TMTC2: variants seen among roughly 807,000 people sequenced by gnomAD.
TMTC2 encodes the protein transmembrane O-mannosyltransferase targeting cadherins 2, also known as protein O-mannosyl-transferase TMTC2.
TMTC2 carries 43 observed loss-of-function variants against 82.4 expected under a neutral mutation model. That is an observed-to-expected ratio of 0.52 (90% confidence interval 0.41 to 0.67). The LOEUF is 0.67. TMTC2 is among the 30% of genes least tolerant of loss of function. TMTC2 has a pLI of 0.00. For missense variants in TMTC2, 919 were observed against 1,012.4 expected, an observed-to-expected ratio of 0.91 and a Z score of 1.25; for synonymous variants, 408 against 381.9, an observed-to-expected ratio of 1.07 and a Z score of -0.80.
chr12:83,125,780 G>T (rs963490432), intron 11 of TMTC2, among the ~76,000 whole-genome samples: 3 of 152,054 alleles, frequency 2.0e-5, no homozygotes, highest in Non-Finnish European at 4.4e-5. Context: ...CACTATTTTT[G>T]CAACTTTCAA....
Position 82,986,043 on chromosome 12 carries a change from A to G in TMTC2, c.2067A>G (p.Leu689=). ...AHLTYGKLLA[L]TGRKSEAEKL... ...TCACCTATGGGAAGCTGCTAGCTCT[A>G]ACAGTGAGTAACCGCCTTCCTTGGT... Residue 689 remains leucine (L), a synonymous_variant, in exon 8 of 12, where the codon CTA becomes CTG. Transcript: ENST00000321196. 4 of 1,613,902 alleles carry G rather than the reference A, an allele frequency of 2.5e-6. No individual in the cohort carries two copies. The highest frequency in any genetic ancestry group is 1.3e-5 in the African/African-American group (1 of 75,020).
intron 1 of TMTC2, among the ~76,000 whole-genome samples, chr12:82,825,438 C>G (rs1869359272): frequency 6.6e-6 from 1 of 152,100 alleles, no homozygotes; most frequent in African/African-American, 2.4e-5. Context: ...CCAAGAGACA[C>G]AGGGGAACAA....
intron 1 of TMTC2, among the ~76,000 whole-genome samples, chr12:82,770,971 G>A (rs1877271348): frequency 6.6e-6 from 1 of 152,146 alleles, no homozygotes; most frequent in Admixed American, 6.5e-5. Flanking sequence ...CACTTTGGGA[G>A]GCTGAGGTGG....
chr12:82,810,336 A>G (rs915534476), intron 1 of TMTC2, among the ~76,000 whole-genome samples: 8 of 151,496 alleles, frequency 5.3e-5, no homozygotes, highest in African/African-American at 1.9e-4. Flanking sequence ...GCAAGGGTGC[A>G]GTGTTTATTT....
At chr12:83,095,595 G>A (rs1356983686) in intron 11 of TMTC2, among the ~76,000 whole-genome samples, 1 of 152,078 alleles carries the variant, frequency 6.6e-6, no homozygotes, top group Non-Finnish European at 1.5e-5. Flanking sequence ...TCCCGAGACG[G>A]GGAAAGACTC....
chr12:82,773,442 C>G (rs1171330225), intron 1 of TMTC2, among the ~76,000 whole-genome samples: 1 of 150,554 alleles, frequency 6.6e-6, no homozygotes, highest in East Asian at 1.9e-4. Context: ...TCATCCACAG[C>G]AAAATGAGAA....
chr12:82,972,830 C>T (rs1042941361), intron 7 of TMTC2, among the ~76,000 whole-genome samples: 1 of 152,146 alleles, frequency 6.6e-6, no homozygotes, highest in Admixed American at 6.5e-5. Flanking sequence ...GTTTCTTTCT[C>T]AGCCTTCTGT....
chr12:83,060,590 A>AT (rs1440412524), intron 10 of TMTC2, among the ~76,000 whole-genome samples: 1 of 151,730 alleles, frequency 6.6e-6, no homozygotes, highest in African/African-American at 2.4e-5. Flanking sequence ...CATCATAGAT[A>AT]TGCTATATAC....
At chr12:83,126,755 G>A (rs1451173454) in intron 11 of TMTC2, among the ~76,000 whole-genome samples, 2 of 152,038 alleles carry the variant, frequency 1.3e-5, no homozygotes, top group African/African-American at 2.4e-5. Context: ...TGAAACAAAG[G>A]AGGAGAGTGA....
At chr12:83,088,501 C>A (rs1357924316) in intron 11 of TMTC2, among the ~76,000 whole-genome samples, 1 of 152,156 alleles carries the variant, frequency 6.6e-6, no homozygotes, top group Non-Finnish European at 1.5e-5. Flanking sequence ...GAGAGATGTG[C>A]AACTCTTCTT....
chr12:82,921,877 C>G (rs1462880295), intron 3 of TMTC2, among the ~76,000 whole-genome samples: 1 of 150,996 alleles, frequency 6.6e-6, no homozygotes, highest in East Asian at 1.9e-4. Flanking sequence ...GTGGGAGGAT[C>G]GCTTGAGTTC....
chr12:82,866,493 C>T (rs1456186050), intron 2 of TMTC2, among the ~76,000 whole-genome samples: 2 of 152,166 alleles, frequency 1.3e-5, no homozygotes, highest in Non-Finnish European at 2.9e-5. Flanking sequence ...AAATGACACG[C>T]AAATTGGATC....
At chr12:82,764,147 C>T (rs191278886) in intron 1 of TMTC2, among the ~76,000 whole-genome samples, 367 of 151,898 alleles carry the variant, frequency 2.4e-3, no homozygotes, top group Non-Finnish European at 3.9e-3. Context: ...CACATACACA[C>T]TTTTTTTTGA....
chr12:83,024,613 A>T (rs1881082751), intron 8 of TMTC2, among the ~76,000 whole-genome samples: 1 of 152,218 alleles, frequency 6.6e-6, no homozygotes. Flanking sequence ...CTCTAAATAA[A>T]GAGTAGGGCC....
intron 3 of TMTC2, among the ~76,000 whole-genome samples, chr12:82,922,376 A>AT (rs1169495018): frequency 6.6e-6 from 1 of 152,212 alleles, no homozygotes; most frequent in Non-Finnish European, 1.5e-5. Flanking sequence ...TCTAAAAAAA[A>AT]GGTTAAGTGT....
At chr12:82,760,186 T>A (rs1055591334) in intron 1 of TMTC2, 6 of 152,072 alleles carry the variant, frequency 3.9e-5, no homozygotes, top group African/African-American at 1.4e-4. Context: ...TTGGGGTTAT[T>A]TTTTTGTATT....
chr12:83,020,960 C>T (rs549823984), intron 8 of TMTC2, among the ~76,000 whole-genome samples: 21 of 152,158 alleles, frequency 1.4e-4, no homozygotes, highest in African/African-American at 4.6e-4. Flanking sequence ...TAGAAAGCAA[C>T]AGCTCAGTTT....
chr12:82,823,893 A>AT (rs1225145231), intron 1 of TMTC2, among the ~76,000 whole-genome samples: 4,389 of 136,264 alleles, frequency 0.032, 182 homozygotes, highest in African/African-American at 0.091. Flanking sequence ...CCATTATTCT[A>AT]TTTTTTTTTT....
chr12:83,015,072 A>C (rs1880615037), intron 8 of TMTC2, among the ~76,000 whole-genome samples: 1 of 152,196 alleles, frequency 6.6e-6, no homozygotes, highest in African/African-American at 2.4e-5. Context: ...TCTTTCCTCT[A>C]TGTGACTGCT....
Sources: allele counts gnomAD v4.1 joint callset (sites outside exome capture counted in the v4.1 genomes callset), GRCh38; gene constraint gnomAD v4.1.1; transcripts MANE v1.5; gene names NCBI Gene and HGNC (gene_info 2026-07-23, HGNC 2026-07-21).